The following NAA11 variants were observed in gnomAD, a reference collection of about 807,000 sequenced individuals.
NAA11 encodes N-alpha-acetyltransferase 11.
A neutral mutation model predicts 16.1 loss-of-function variants in NAA11; 15 were observed. That is an observed-to-expected ratio of 0.93 (90% CI 0.62 to 1.44). The LOEUF (loss-of-function observed/expected upper bound fraction) is 1.44. Ranked by LOEUF, NAA11 falls within the 40% of genes most tolerant of loss-of-function variation. The pLI, the probability that NAA11 is intolerant of heterozygous loss-of-function variation, is 0.00. For synonymous variants in NAA11, 122 were observed against 112.4 expected (o/e 1.09, Z -0.54); for missense variants, 298 against 291.3 (o/e 1.02, Z -0.17).
At chr4:79,206,949 GT>G in the NAA11 span, among the ~76,000 whole-genome samples, 3 of 151,912 alleles carry the variant, frequency 2.0e-5, no homozygotes, top group African/African-American at 7.3e-5. Flanking sequence ...GGGTATTTTG[GT>G]TTTTTTGTAG....
downstream of NAA11, among the ~76,000 whole-genome samples, chr4:79,315,670 T>A (rs946467969): frequency 6.0e-5 from 9 of 150,984 alleles, no homozygotes; most frequent in African/African-American, 2.0e-4. Context: ...CAGTAAAAAG[T>A]CCCTTCAGAA....
the NAA11 span, among the ~76,000 whole-genome samples, chr4:79,187,605 T>C: frequency 6.6e-6 from 1 of 152,192 alleles, no homozygotes; most frequent in Non-Finnish European, 1.5e-5. Context: ...AGTTTTTCTT[T>C]GGGTTTATTG....
intron 1 of NAA11, among the ~76,000 whole-genome samples, chr4:79,295,103 A>G (rs1196708681): frequency 6.6e-6 from 1 of 152,230 alleles, no homozygotes; most frequent in East Asian, 1.9e-4. Context: ...TAAATTAAGC[A>G]TCTTTCTTCA....
intron 1 of NAA11, chr4:79,307,345 A>G (rs1723621370): frequency 6.6e-6 from 1 of 152,220 alleles, no homozygotes; most frequent in Non-Finnish European, 1.5e-5. Context: ...ACATCTCTAA[A>G]TCATGGGGAA....
At position 79,286,768 on chromosome 4, in the gene NAA11, A is replaced by G. The variant is rs528656203; in HGVS notation, c.*122+7237T>C. ...GCAAATATTTCACCTCACCAAATTTACCATTATAGAATAACTTCTGAGACT... is the reference window on the plus strand; with the variant it reads ...GCAAATATTTCACCTCACCAAATTTGCCATTATAGAATAACTTCTGAGACT... On this transcript the variant is annotated intron_variant and NMD_transcript_variant, in intron 2 of 2. Coordinates refer to the NAA11 transcript ENST00000511542. 3.9e-4 allele frequency among the ~76,000 whole-genome samples: 60 copies of G among 152,258 alleles called. No homozygotes were observed. In the Middle Eastern group the frequency reaches 0.017, roughly 43 times the overall value.
Position 79,325,639 on chromosome 4 carries a change from G to C in NAA11, c.239C>G (p.Ser80Ter). The C allele has an allele frequency of 6.2e-7, 1 of 1,614,086 alleles. No individual in the cohort carries two copies. Among genetic ancestry groups the C allele is most frequent in the Non-Finnish European group, 8.5e-7 (1 of 1,179,958 alleles). Residue 80 changes from serine (S) to a stop codon, truncating the protein, a stop_gained, in exon 1 of 2, where the codon TCA becomes TGA. Transcript: ENST00000286794. LOFTEE classifies it high-confidence loss of function. Reference sequence around the variant, plus strand: ...CTGGGCCAGGCCGAGGCGCCGGTGTGAACGCTTCACGGCCAGTGAGGTGAT... The same window carrying C: ...CTGGGCCAGGCCGAGGCGCCGGTGTCAACGCTTCACGGCCAGTGAGGTGAT... ...GHITSLAVKR[S>*]HRRLGLAQKL...
intron 1 of NAA11, among the ~76,000 whole-genome samples, chr4:79,300,877 G>A (rs1283310246): frequency 6.6e-6 from 1 of 152,150 alleles, no homozygotes; most frequent in Non-Finnish European, 1.5e-5. Context: ...AGCAGTTCGT[G>A]TCAGGTATGA....
the NAA11 span, among the ~76,000 whole-genome samples, chr4:79,170,130 A>C: frequency 6.6e-6 from 1 of 152,304 alleles, no homozygotes; most frequent in South Asian, 2.1e-4. Context: ...CCTGAGATAC[A>C]ATACATTCCA....
downstream of NAA11, among the ~76,000 whole-genome samples, chr4:79,315,387 ATC>A (rs540555301): frequency 2.5e-4 from 38 of 152,232 alleles, no homozygotes; most frequent in African/African-American, 8.9e-4. Flanking sequence ...TCAGATGGTC[ATC>A]TCTCGCTTCT....
the NAA11 span, among the ~76,000 whole-genome samples, chr4:79,209,212 C>T: frequency 6.6e-6 from 1 of 152,122 alleles, no homozygotes; most frequent in Non-Finnish European, 1.5e-5. Flanking sequence ...GTTAGGATCA[C>T]TCCTCAAGCC....
intron 2 of NAA11, among the ~76,000 whole-genome samples, chr4:79,256,935 G>C (rs112507986): frequency 6.6e-6 from 1 of 151,722 alleles, no homozygotes; most frequent in African/African-American, 2.4e-5. Flanking sequence ...CACCATGCCC[G>C]GCCTGTAAAT....
intron 1 of NAA11, among the ~76,000 whole-genome samples, chr4:79,311,429 TGAC>T (rs1723765789): frequency 6.6e-6 from 1 of 152,238 alleles, no homozygotes; most frequent in African/African-American, 2.4e-5. Flanking sequence ...TTCTAACAGC[TGAC>T]AATTTTCTCT....
At chr4:79,321,825 T>C (rs1390773029) in intron 1 of NAA11, among the ~76,000 whole-genome samples, 1 of 152,226 alleles carries the variant, frequency 6.6e-6, no homozygotes, top group East Asian at 1.9e-4. Flanking sequence ...ACAAAAGTAT[T>C]TTTAAAATAG....
the NAA11 span, among the ~76,000 whole-genome samples, chr4:79,202,647 A>ATATATATATATATATATATC: frequency 3.2e-5 from 4 of 126,628 alleles, no homozygotes; most frequent in African/African-American, 8.0e-5. Flanking sequence ...ATATATATAT[A>ATATATATATATATATATATC]TATCTGTGTA....
chr4:79,236,701 C>T (rs532174949), intron 2 of NAA11, among the ~76,000 whole-genome samples: 4 of 152,088 alleles, frequency 2.6e-5, no homozygotes, highest in African/African-American at 9.6e-5. Flanking sequence ...TTTTAACATC[C>T]AAGTTTCGTT....
chr4:79,252,660 G>T (rs979548784), intron 2 of NAA11, among the ~76,000 whole-genome samples: 2 of 152,180 alleles, frequency 1.3e-5, no homozygotes, highest in Non-Finnish European at 2.9e-5. Flanking sequence ...TTGCAGCTCT[G>T]AGGGAAGTAT....
chr4:79,324,979 G>A (rs1382943102), intron 1 of NAA11, among the ~76,000 whole-genome samples, 197 bp downstream of exon 1: 1 of 152,142 alleles, frequency 6.6e-6, no homozygotes, highest in African/African-American at 2.4e-5. Flanking sequence ...AGCATGAGCT[G>A]GTATCCTATT....
the NAA11 span, among the ~76,000 whole-genome samples, chr4:79,196,979 A>AAAAAAAAAAAAAAAAG: frequency 4.6e-4 from 58 of 125,586 alleles, no homozygotes; most frequent in Middle Eastern, 4.0e-3. Flanking sequence ...AAAAAAAAAA[A>AAAAAAAAAAAAAAAAG]AAAGAAAGAA....
At chr4:79,180,873 A>G in the NAA11 span, among the ~76,000 whole-genome samples, 34 of 152,346 alleles carry the variant, frequency 2.2e-4, no homozygotes, top group Admixed American at 3.3e-4. Context: ...AATGTGGCAC[A>G]TATACACCAT....
Sources: gnomAD v4.1 joint callset for allele counts (sites outside exome capture counted in the v4.1 genomes callset) on GRCh38, gnomAD v4.1.1 for gene constraint, MANE v1.5 for transcripts, NCBI Gene and HGNC (gene_info 2026-07-23, HGNC 2026-07-21) for gene names.